Variants in ACSF3 observed in about 807,000 individuals in gnomAD.
ACSF3 encodes malonate--CoA ligase ACSF3, mitochondrial.
In ACSF3, 78 loss-of-function variants were observed where a neutral mutation model predicts 53.2. That is an observed-to-expected ratio of 1.47 (90% CI 1.22 to 1.77). The LOEUF (loss-of-function observed/expected upper bound fraction) is 1.77. ACSF3 is among the 40% of genes most tolerant of loss of function. ACSF3 has a pLI of 0.00. For missense variants in ACSF3, 937 were observed against 771.1 expected (o/e 1.22, Z -2.55); for synonymous variants, 414 against 333.1 (o/e 1.24, Z -2.65).
At chr16:89,133,016 C>T in intron 7 of ACSF3, 120 bp from the exon 8 acceptor site, 1 of 1,451,154 alleles carries the variant, frequency 6.9e-7, no homozygotes, top group Non-Finnish European at 9.6e-7. Flanking sequence ...CGCTCAGTTT[C>T]AGAAAGCACG....
chr16:89,146,503 T>C (rs1912986456), intron 10 of ACSF3, among the ~76,000 whole-genome samples: 1 of 152,156 alleles, frequency 6.6e-6, no homozygotes, highest in Non-Finnish European at 1.5e-5. Context: ...CCAGCAGAAC[T>C]GCAAGGCCCA....
intron 1 of ACSF3, among the ~76,000 whole-genome samples, chr16:89,097,773 GA>G (rs35044159): frequency 0.72 from 108,994 of 152,038 alleles, 39,733 homozygotes; most frequent in Non-Finnish European, 0.79. Flanking sequence ...AACAGCTGTG[GA>G]GGGCTTCTAG....
intron 4 of ACSF3, among the ~76,000 whole-genome samples, chr16:89,111,187 T>C (rs1976631475): frequency 6.6e-6 from 1 of 152,232 alleles, no homozygotes; most frequent in South Asian, 2.1e-4. Context: ...TTCCCTTCAG[T>C]TGGGGATCAC....
At chr16:89,114,586 C>A in intron 6 of ACSF3, 99 bp downstream of exon 6, 2 of 1,553,920 alleles carry the variant, frequency 1.3e-6, no homozygotes, top group Non-Finnish European at 1.7e-6. Flanking sequence ...TGAAGGGCGG[C>A]ATGGAGGATG....
At chr16:89,141,210 A>T (rs1335059817) in intron 8 of ACSF3, 25 of 1,287,210 alleles carry the variant, frequency 1.9e-5, no homozygotes, top group Admixed American at 4.6e-5. Flanking sequence ...AGCCCTTGAT[A>T]GCAGCGTCCC....
chr16:89,133,346 G>C, intron 8 of ACSF3, 84 bp downstream of exon 8: 1 of 1,582,970 alleles, frequency 6.3e-7, no homozygotes, highest in East Asian at 2.3e-5. Context: ...TGACACCGAG[G>C]CTGGGAGTTC....
chr16:89,154,295 C>A lies in ACSF3; in HGVS notation c.*88C>A. On this transcript the variant is annotated 3_prime_UTR_variant, in exon 11 of 11. Coordinates refer to ENST00000614302, the MANE Select transcript of ACSF3 (RefSeq NM_001243279.3). Reference sequence around the variant, plus strand: ...CACGGGGGCCCGTCCAAGACCTGGCCTCCCTTAAACCTGAACCCCCCAAAT... The same window carrying A: ...CACGGGGGCCCGTCCAAGACCTGGCATCCCTTAAACCTGAACCCCCCAAAT... 7.9e-7 allele frequency: 1 copy of A among 1,267,238 alleles called. No homozygotes were observed. Among genetic ancestry groups the A allele is most frequent in the Non-Finnish European group, 1.1e-6 (1 of 884,418 alleles). 78.5% of individuals were successfully genotyped at this position (1,267,238 alleles called of 1,614,324 possible). A position where few individuals can be genotyped will look rare whatever the true frequency, so the allele number is the denominator to read the frequency against.
intron 6 of ACSF3, among the ~76,000 whole-genome samples, chr16:89,119,247 C>T (rs1241011694): frequency 1.3e-5 from 2 of 152,360 alleles, no homozygotes; most frequent in Admixed American, 6.5e-5. Context: ...TCCCCACCTG[C>T]GGCCCCCGCC....
intron 6 of ACSF3, among the ~76,000 whole-genome samples, chr16:89,117,536 C>T (rs913929713): frequency 6.6e-6 from 1 of 151,872 alleles, no homozygotes; most frequent in African/African-American, 2.4e-5. Flanking sequence ...GAGTCAGGAG[C>T]AGCCCGGGGA....
intron 4 of ACSF3, among the ~76,000 whole-genome samples, chr16:89,107,648 T>C (rs1049843263): frequency 4.6e-5 from 7 of 152,250 alleles, no homozygotes; most frequent in Non-Finnish European, 1.0e-4. Context: ...TGTTTTCAGT[T>C]TGTGGCTATT....
intron 8 of ACSF3, 25 bp from the exon 9 acceptor site, chr16:89,145,242 G>T: frequency 6.2e-7 from 1 of 1,614,144 alleles, no homozygotes. Flanking sequence ...AGGATGGCCA[G>T]TTAACCAGAG....
Position 89,154,229 on chromosome 16 carries a change from G to A in ACSF3, c.*22G>A, listed in dbSNP as rs745313912. The A allele has an allele frequency of 1.1e-5, 18 of 1,608,594 alleles. No individual in the cohort carries two copies. The highest frequency in any genetic ancestry group is 1.7e-5 in the Admixed American group (1 of 59,916). ...ATGACCCGGCAGACTGGGACTGCGG[G>A]TCTGGTGGGGAGCAGCAGACGTCCC... is the stretch of plus-strand genomic sequence containing the variant. On this transcript the variant is annotated 3_prime_UTR_variant, in exon 11 of 11. Coordinates refer to ENST00000614302, the MANE Select transcript of ACSF3 (RefSeq NM_001243279.3).
In ACSF3 at chr16:89,100,998, C is replaced by T. The variant is rs748128555; in HGVS notation, c.317C>T (p.Ala106Val). Residue 106 changes from alanine to valine, a missense_variant, in exon 3 of 11, where the codon GCC (alanine) becomes GTC (valine). By Grantham distance (64) the Ala-to-Val change is moderately conservative. Coordinates refer to ENST00000614302, the MANE Select transcript of ACSF3 (RefSeq NM_001243279.3). ...ERVSFLCAND[A>V]SYVVAQWASW... The stretch of plus-strand genomic sequence containing the variant: ...GTCTCCTTCCTATGCGCTAACGATG[C>T]CTCCTACGTCGTGGCCCAGTGGGCG... 6.2e-7 allele frequency: 1 copy of T among 1,613,334 alleles called. No homozygotes were observed. Among genetic ancestry groups the T allele is most frequent in the East Asian group, 2.2e-5 (1 of 44,882 alleles).
chr16:89,150,731 G>A lies in ACSF3; in HGVS notation c.1614-3359G>A, dbSNP rs908185126. 90 of 341,862 alleles carry A rather than the reference G, an allele frequency of 2.6e-4. 1 individual carries two copies. Among genetic ancestry groups the A allele is most frequent in the South Asian group, 1.7e-3 (74 of 42,938 alleles). 21.2% of individuals were successfully genotyped at this position (341,862 alleles called of 1,614,324 possible). A position where few individuals can be genotyped will look rare whatever the true frequency, so the allele number is the denominator to read the frequency against. The stretch of plus-strand genomic sequence containing the variant: ...CCATGCGGTCACAGCCCAGGACTCC[G>A]CCAGTCCTGCAGGAGCCCTGGAGCC... On this transcript the variant is annotated intron_variant, in intron 10 of 10. Coordinates refer to ENST00000614302, the MANE Select transcript of ACSF3 (RefSeq NM_001243279.3).
chr16:89,133,198 A>G lies in ACSF3; in HGVS notation c.1302A>G (p.Arg434=). Residue 434 remains arginine, a synonymous_variant, in exon 8 of 11, where the codon CGA becomes CGG. Coordinates refer to ENST00000614302, the MANE Select transcript of ACSF3 (RefSeq NM_001243279.3). ...ELLVRGPSVF[R]EYWNKPEETK... is the part of the protein sequence containing the mutation. ...TGGTGAGGGGACCCTCCGTGTTTCG[A>G]GAATACTGGAATAAACCAGAAGAAA... is the stretch of plus-strand genomic sequence containing the variant. The G allele has an allele frequency of 6.2e-7, 1 of 1,614,148 alleles. No homozygotes were observed. Among genetic ancestry groups the G allele is most frequent in the Non-Finnish European group, 8.5e-7 (1 of 1,180,028 alleles).
intron 4 of ACSF3, among the ~76,000 whole-genome samples, chr16:89,109,205 C>T (rs1976377485): frequency 7.1e-6 from 1 of 140,586 alleles, no homozygotes; most frequent in African/African-American, 2.7e-5. Flanking sequence ...GCACTCCAGC[C>T]TGGGCAACAG....
chr16:89,094,050 C>G (rs947859362), intron 1 of ACSF3, 54 bp downstream of exon 1: 1 of 150,720 alleles, frequency 6.6e-6, no homozygotes, highest in African/African-American at 2.4e-5. Flanking sequence ...GCGCAGAGCT[C>G]TCGGGGGCGC....
chr16:89,154,795 AC>A lies in ACSF3; in HGVS notation c.*590del. ...GGAGAGCAGCTCCCACTGTGGGGAC[AC>A]CTGCCACCCTGCACACTACTGTGTG... On this transcript the variant is annotated 3_prime_UTR_variant, in exon 11 of 11. Coordinates refer to ENST00000614302, the MANE Select transcript of ACSF3 (RefSeq NM_001243279.3). The A allele has an allele frequency of 2.2e-6, 1 of 454,106 alleles. No homozygotes were observed. The highest frequency in any genetic ancestry group is 4.4e-6 in the Non-Finnish European group (1 of 226,786). The allele number at this position is 454,106 out of a possible 1,614,324, so 28.1% of individuals were successfully genotyped here. A position where few individuals can be genotyped will look rare whatever the true frequency, so the allele number is the denominator to read the frequency against.
At chr16:89,103,791 C>T (rs1447138154) in intron 4 of ACSF3, among the ~76,000 whole-genome samples, 1 of 152,204 alleles carries the variant, frequency 6.6e-6, no homozygotes. Flanking sequence ...GCATGGCTTC[C>T]TCTGTAGCGT....
Sources: gnomAD v4.1 joint callset for allele counts (sites outside exome capture counted in the v4.1 genomes callset) on GRCh38, gnomAD v4.1.1 for gene constraint, MANE v1.5 for transcripts, NCBI Gene and HGNC (gene_info 2026-07-23, HGNC 2026-07-21) for gene names.